Variants in RASGRF1 observed in about 807,000 individuals in gnomAD.
The protein encoded by RASGRF1 is Ras protein specific guanine nucleotide releasing factor 1.
Under a neutral mutation model 138.7 loss-of-function variants are expected in RASGRF1, and 40 were observed. The observed-to-expected ratio is 0.29, with a 90% confidence interval of 0.22 to 0.38. The LOEUF is 0.38. RASGRF1 is among the 10% of genes least tolerant of loss of function. RASGRF1 has a pLI of 1.00. For missense variants in RASGRF1, 1,108 were observed against 1,650.4 expected, an observed-to-expected ratio of 0.67 and a Z score of 5.69; for synonymous variants, 614 against 663.2, an observed-to-expected ratio of 0.93 and a Z score of 1.14.
chr15:78,994,183 G>T (rs897659860), intron 20 of RASGRF1, among the ~76,000 whole-genome samples: 4 of 152,326 alleles, frequency 2.6e-5, no homozygotes, highest in Admixed American at 2.6e-4. Flanking sequence ...CCGTCTTGGG[G>T]TTTACCCAGC....
Position 79,032,108 on chromosome 15 carries a change from A to G in RASGRF1, c.1152+15T>C. On this transcript the variant is annotated intron_variant, in intron 7 of 26. Transcript: ENST00000558480. The surrounding 1 kb of genome is among the most constrained non-coding windows in gnomAD (Gnocchi z 4.5). ...CTCCCTGACTCTACCCCACCCAGGC[A>G]GGGCCGGACGCCACCTGGAACATGG... is the stretch of plus-strand genomic sequence containing the variant. 3 of 1,611,228 alleles carry G rather than the reference A, an allele frequency of 1.9e-6. No individual in the cohort carries two copies. The highest frequency in any genetic ancestry group is 2.5e-6 in the Non-Finnish European group (3 of 1,178,390).
intron 9 of RASGRF1, among the ~76,000 whole-genome samples, chr15:79,025,835 G>A (rs2057039350): frequency 6.6e-6 from 1 of 151,920 alleles, no homozygotes; most frequent in Non-Finnish European, 1.5e-5. Context: ...GGCCCCGAGG[G>A]GTTAACAAGA....
chr15:79,058,476 C>T lies in RASGRF1; in HGVS notation c.389G>A (p.Arg130Lys), dbSNP rs760466769. The change falls in exon 3 of 27, where the codon AGG (arginine) becomes AAG (lysine). Residue 130 changes from arginine (R) to lysine (K), a missense_variant. This residue lies in a region of RASGRF1 where 253 missense variants were observed against 329.5 expected (regional missense o/e 0.77). Coordinates refer to ENST00000558480, the MANE Select transcript of RASGRF1 (RefSeq NM_001145648.3). ...TGCCTCATGCTCTGTGGCGAGGGTC[C>T]TGTAGCTGTGGACAGATGGACATGG... ...WVAAIAHASY[R>K]TLATEHEALM... 6.2e-7 allele frequency: 1 copy of T among 1,614,096 alleles called. No homozygotes were observed. The highest frequency in any genetic ancestry group is 8.5e-7 in the Non-Finnish European group (1 of 1,179,978).
rs529075089 is a variant in RASGRF1 at position 79,015,948 on chromosome 15, C to A, written c.1744-539G>T. On this transcript the variant is annotated intron_variant, in intron 12 of 26. Coordinates refer to ENST00000558480, the MANE Select transcript of RASGRF1 (RefSeq NM_001145648.3). ...ATGAAGAGTCCATGGGTGTGGGGCC[C>A]TGGAGAAGGCAAGGCTGCTGGCGGG... Among the ~76,000 whole-genome samples the A allele has an allele frequency of 3.4e-3, 511 of 152,316 alleles. 6 individuals are homozygous for A. The highest frequency in any genetic ancestry group is 0.012 in the African/African-American group (490 of 41,576).
chr15:78,998,272 GC>G, intron 18 of RASGRF1, 64 bp from the exon 19 acceptor site: 1 of 1,357,592 alleles, frequency 7.4e-7, no homozygotes, highest in Non-Finnish European at 1.1e-6. Context: ...AGTGGTCTGG[GC>G]CCAGGCCAGA....
At chr15:79,053,410 G>A (rs897283723) in intron 3 of RASGRF1, among the ~76,000 whole-genome samples, 1 of 152,196 alleles carries the variant, frequency 6.6e-6, no homozygotes, top group Non-Finnish European at 1.5e-5. Flanking sequence ...AAACTCCTAT[G>A]CTGCCCTTTA....
Position 79,027,990 on chromosome 15 carries a change from A to AT in RASGRF1, c.1263-132dup, listed in dbSNP as rs1181903942. ...GGATTCTCAGGTGGAGTCTGTGGTC[A>AT]TGGAGGGGAAGGGAGTGTGCATTTA... is the stretch of plus-strand genomic sequence containing the variant. On this transcript the variant is annotated intron_variant, in intron 8 of 26. Transcript: ENST00000558480. This position sits in a 1 kb window ranked among gnomAD's most constrained non-coding sequence, Gnocchi z 4.8. 7.7e-6 allele frequency: 7 copies of AT among 911,168 alleles called. No homozygotes were observed. Among genetic ancestry groups the AT allele is most frequent in the Non-Finnish European group, 1.2e-5 (7 of 574,302 alleles). 56.4% of individuals were successfully genotyped at this position (911,168 alleles called of 1,614,324 possible).
intron 15 of RASGRF1, 139 bp downstream of exon 15, chr15:79,003,663 T>C (rs756677878): frequency 4.5e-6 from 6 of 1,334,444 alleles, no homozygotes; most frequent in Non-Finnish European, 6.0e-6. Context: ...GCCTCCACTA[T>C]CTGCCTGGTG....
intron 26 of RASGRF1, among the ~76,000 whole-genome samples, chr15:78,965,152 C>T (rs571092373): frequency 9.2e-5 from 14 of 152,276 alleles, no homozygotes; most frequent in East Asian, 1.9e-4. Context: ...CTTACTACAA[C>T]GGCCAACACT....
rs77860020 is a variant in RASGRF1, at chr15:79,010,907, G to A, written c.1826+4420C>T. ...CTGCGGGAAGGCCTGGATGCATCATGTTAGGGGCTGGTGGGAGTACTCGGG... is the reference window on the plus strand; with the variant it reads ...CTGCGGGAAGGCCTGGATGCATCATATTAGGGGCTGGTGGGAGTACTCGGG... On this transcript the variant is annotated intron_variant, in intron 13 of 26. Transcript: ENST00000558480. Among the ~76,000 whole-genome samples, 107 of 152,310 alleles carry A rather than the reference G, an allele frequency of 7.0e-4. No homozygotes were observed. The East Asian group carries it at 0.018, about 26-fold the overall frequency.
At chr15:79,071,025 C>A (rs764709962) in intron 1 of RASGRF1, among the ~76,000 whole-genome samples, 13 of 152,242 alleles carry the variant, frequency 8.5e-5, no homozygotes, top group Non-Finnish European at 1.8e-4. Context: ...CTGCTGGTCT[C>A]CAGCCCCGGG....
chr15:79,077,988 T>C (rs1343310299), intron 1 of RASGRF1, among the ~76,000 whole-genome samples: 1 of 152,140 alleles, frequency 6.6e-6, no homozygotes, highest in East Asian at 1.9e-4. Context: ...GCTGCTCTGG[T>C]TAGGGCCAGC....
chr15:79,002,361 A>T lies in RASGRF1; in HGVS notation c.2450-574T>A, dbSNP rs141301798. ...TGGGGAGGCTGATGAATTATATTAA[A>T]AGCCTAGGTCTGGCACAGTGAGGTC... On this transcript the variant is annotated intron_variant, in intron 15 of 26. Coordinates refer to ENST00000558480, the MANE Select transcript of RASGRF1 (RefSeq NM_001145648.3). 6.5e-3 allele frequency among the ~76,000 whole-genome samples: 988 copies of T among 152,276 alleles called. 11 individuals carry two copies. The highest frequency in any genetic ancestry group is 0.023 in the African/African-American group (943 of 41,530).
chr15:78,965,948 C>T (rs1383799676), intron 26 of RASGRF1, among the ~76,000 whole-genome samples: 2 of 152,066 alleles, frequency 1.3e-5, no homozygotes, highest in East Asian at 1.9e-4. Context: ...GTTCCCTGGT[C>T]GACTGAGAGA....
chr15:78,992,564 G>C (rs2056293643), intron 20 of RASGRF1, among the ~76,000 whole-genome samples: 2 of 152,158 alleles, frequency 1.3e-5, no homozygotes, highest in African/African-American at 4.8e-5. Context: ...GTGGGTAAAG[G>C]GACAACTGTG....
At chr15:78,968,088 A>G (rs1167939094) in intron 26 of RASGRF1, among the ~76,000 whole-genome samples, 1 of 151,934 alleles carries the variant, frequency 6.6e-6, no homozygotes, top group African/African-American at 2.4e-5. Flanking sequence ...TTTTTTTGAA[A>G]AAATTTTTTT....
intron 24 of RASGRF1, among the ~76,000 whole-genome samples, chr15:78,974,886 CT>C (rs1195703278): frequency 6.6e-6 from 1 of 152,142 alleles, no homozygotes; most frequent in African/African-American, 2.4e-5. Flanking sequence ...ACAAAATTTC[CT>C]TCTTATTTCT....
chr15:78,972,846 G>A (rs2055795428), intron 25 of RASGRF1, among the ~76,000 whole-genome samples: 1 of 152,146 alleles, frequency 6.6e-6, no homozygotes, highest in South Asian at 2.1e-4. Flanking sequence ...TTTAGGAGGT[G>A]CTGTGTAAGT....
intron 8 of RASGRF1, among the ~76,000 whole-genome samples, chr15:79,029,462 G>C (rs1276161219): frequency 2.0e-5 from 3 of 152,138 alleles, no homozygotes; most frequent in Non-Finnish European, 4.4e-5. Context: ...CACATTCTAA[G>C]TTCCAGCCCC....
Sources: allele counts gnomAD v4.1 joint callset (sites outside exome capture counted in the v4.1 genomes callset), GRCh38; gene constraint gnomAD v4.1.1; regional missense constraint gnomAD v4.1.1; non-coding constraint Gnocchi (gnomAD v3.1); transcripts MANE v1.5; gene names NCBI Gene and HGNC (gene_info 2026-07-23, HGNC 2026-07-21).